Variants in KLC2 observed in about 807,000 individuals in gnomAD.
KLC2 encodes KLC 2.
A neutral mutation model predicts 75.1 loss-of-function variants in KLC2; 35 were observed. The ratio of observed to expected loss-of-function variants is 0.47; its 90% CI spans 0.36 to 0.62. The LOEUF is 0.62. Ranked by LOEUF, KLC2 falls within the 20% of genes least tolerant of loss-of-function variation. The pLI is 0.00. For synonymous variants in KLC2, 314 were observed against 336.7 expected, an observed-to-expected ratio of 0.93 and a Z score of 0.74; for missense variants, 611 against 833.2, an observed-to-expected ratio of 0.73 and a Z score of 3.28.
At chr11:66,262,514 A>C in intron 4 of KLC2, 1 of 552,524 alleles carries the variant, frequency 1.8e-6, no homozygotes, top group Non-Finnish European at 3.2e-6. Flanking sequence ...CAATGGGGCC[A>C]GTGCCTGCTT....
At chr11:66,264,899 C>T (rs1479811911) in intron 9 of KLC2, 124 bp from the exon 10 acceptor site, 1 of 831,334 alleles carries the variant, frequency 1.2e-6, no homozygotes, top group African/African-American at 1.7e-5. Context: ...TTGGGTCTTA[C>T]TCTTGTTCAT....
chr11:66,252,699 G>T (rs1019878369), upstream of KLC2, among the ~76,000 whole-genome samples: 5 of 152,202 alleles, frequency 3.3e-5, no homozygotes, highest in African/African-American at 1.2e-4. Context: ...GAGAAACGCG[G>T]CTTTGAACTT....
In KLC2 at chr11:66,267,788, C is replaced by T. The variant is rs983992345; in HGVS notation, c.*832C>T. On this transcript the variant is annotated 3_prime_UTR_variant, in exon 16 of 16. Transcript: ENST00000394067. ...GTCCCCTGGTGGCAGGAGGGGCTCC[C>T]CCTGTTGCGGGTGAGGCGGCTGCTC... The T allele has an allele frequency of 6.7e-6, 3 of 444,904 alleles. No individual in the cohort carries two copies. Among genetic ancestry groups the T allele is most frequent in the Non-Finnish European group, 1.2e-5 (3 of 256,308 alleles). 27.6% of individuals were successfully genotyped at this position (444,904 alleles called of 1,614,324 possible).
chr11:66,244,437 A>T, the KLC2 span: 1 of 152,300 alleles, frequency 6.6e-6, no homozygotes, highest in African/African-American at 2.4e-5. Flanking sequence ...CCGTGTTCTC[A>T]GGAGTGGTTG....
At chr11:66,264,852 T>C in intron 9 of KLC2, 171 bp from the exon 10 acceptor site, 1 of 627,336 alleles carries the variant, frequency 1.6e-6, no homozygotes, top group Non-Finnish European at 2.9e-6. Context: ...AAGGGTCTGT[T>C]CTGCTCATCT....
chr11:66,266,259 A>G (rs1318417861), intron 14 of KLC2, 42 bp downstream of exon 14: 1 of 1,565,982 alleles, frequency 6.4e-7, no homozygotes. Flanking sequence ...CCACCCAGCA[A>G]CCCCGGATGA....
Position 66,265,241 on chromosome 11 carries a change from T to TGGGGC in KLC2, c.1334+12_1334+16dup, listed in dbSNP as rs576416391. On this transcript the variant is annotated splice_region_variant and intron_variant, in intron 11 of 15. Coordinates refer to ENST00000394067, the MANE Select transcript of KLC2 (RefSeq NM_001318734.2). ...AAGGCCTGTAAAGTAGACAGGTGAG[T>TGGGGC]GGGGCGGGGCTGGGCTGGGGAGCAG... 34,750 of 1,011,708 alleles carry TGGGGC rather than the reference T, an allele frequency of 0.034. 789 individuals are homozygous for TGGGGC. Among genetic ancestry groups the TGGGGC allele is most frequent in the Middle Eastern group, 0.061 (277 of 4,572 alleles). 62.7% of individuals were successfully genotyped at this position (1,011,708 alleles called of 1,614,324 possible).
chr11:66,265,618 T>C, intron 11 of KLC2, 37 bp from the exon 12 acceptor site: 1 of 1,551,528 alleles, frequency 6.4e-7, no homozygotes, highest in Non-Finnish European at 8.8e-7. Flanking sequence ...GCCCTGGGTC[T>C]GGGGGAACAT....
intron 11 of KLC2, 141 bp from the exon 12 acceptor site, chr11:66,265,514 C>T (rs1338935928): frequency 2.6e-6 from 2 of 766,480 alleles, no homozygotes; most frequent in East Asian, 2.7e-5. Flanking sequence ...CTGGGTGGGC[C>T]CAGCACAGGG....
At chr11:66,260,744 G>C (rs1251455948) in intron 2 of KLC2, among the ~76,000 whole-genome samples, 1 of 152,082 alleles carries the variant, frequency 6.6e-6, no homozygotes, top group African/African-American at 2.4e-5. Context: ...CTACAGGCAC[G>C]CGCCACCACA....
chr11:66,263,201 G>A (rs1352703373), intron 5 of KLC2, 165 bp downstream of exon 5: 5 of 608,620 alleles, frequency 8.2e-6, no homozygotes, highest in South Asian at 2.0e-5. Context: ...GGCCAGAACT[G>A]GGGAGGGACT....
chr11:66,264,874 A>G, intron 9 of KLC2, 149 bp from the exon 10 acceptor site: 1 of 675,800 alleles, frequency 1.5e-6, no homozygotes, highest in Non-Finnish European at 2.6e-6. Context: ...TGTCCAGAAG[A>G]GGGTCAGCAG....
chr11:66,262,887 G>T lies in KLC2; in HGVS notation c.603G>T (p.Leu201=), dbSNP rs1160014042. Residue 201 remains leucine, a synonymous_variant, in exon 5 of 16, where the codon CTG becomes CTT. Coordinates refer to ENST00000394067, the MANE Select transcript of KLC2 (RefSeq NM_001318734.2). ...AGATCCCGGCCCGGCTCCGCACCCT[G>T]CACAACCTGGTGATCCAATACGCCT... is the stretch of plus-strand genomic sequence containing the variant. ...GYEIPARLRT[L]HNLVIQYASQ... The T allele has an allele frequency of 1.9e-6, 3 of 1,613,704 alleles. No homozygotes were observed. The highest frequency in any genetic ancestry group is 2.5e-6 in the Non-Finnish European group (3 of 1,179,914).
intron 9 of KLC2, 49 bp from the exon 10 acceptor site, chr11:66,264,973 CA>C: frequency 2.5e-6 from 4 of 1,587,100 alleles, no homozygotes; most frequent in Non-Finnish European, 3.4e-6. Flanking sequence ...CCAGCCCAAC[CA>C]GGTGAGACCT....
chr11:66,256,409 G>C (rs958140066), upstream of KLC2, among the ~76,000 whole-genome samples: 2 of 152,106 alleles, frequency 1.3e-5, no homozygotes, highest in Admixed American at 6.5e-5. Context: ...GGCCAACATG[G>C]TGAAACCCGT....
chr11:66,266,282 G>C, intron 14 of KLC2, 65 bp downstream of exon 14: 2 of 1,548,616 alleles, frequency 1.3e-6, no homozygotes, highest in Non-Finnish European at 1.7e-6. Context: ...TCCTGACCCA[G>C]AGTGTGCCCC....
chr11:66,265,230 A>G lies in KLC2; in HGVS notation c.1329A>G (p.Val443=), dbSNP rs1179743599. The G allele has an allele frequency of 1.4e-6, 2 of 1,404,376 alleles. No homozygotes were observed. Among genetic ancestry groups the G allele is most frequent in the South Asian group, 2.3e-5 (2 of 87,600 alleles). 87.0% of individuals were successfully genotyped at this position (1,404,376 alleles called of 1,614,324 possible). ...GCAGCTGGTACAAGGCCTGTAAAGT[A>G]GACAGGTGAGTGGGGCGGGGCTGGG... is the stretch of plus-strand genomic sequence containing the variant. ...EYGSWYKACK[V]DSPTVNTTLR... The change falls in exon 11 of 16, where the codon GTA becomes GTG. Residue 443 remains valine (V), a synonymous_variant. Coordinates refer to ENST00000394067, the MANE Select transcript of KLC2 (RefSeq NM_001318734.2).
chr11:66,251,213 C>T, the KLC2 span, among the ~76,000 whole-genome samples: 6 of 152,078 alleles, frequency 3.9e-5, no homozygotes, highest in African/African-American at 1.2e-4. Context: ...GAGTTGAGGC[C>T]GGGCATGGCG....
chr11:66,256,865 G>T (rs1856058075), upstream of KLC2, among the ~76,000 whole-genome samples: 1 of 152,114 alleles, frequency 6.6e-6, no homozygotes, highest in Non-Finnish European at 1.5e-5. Context: ...CTGGTCACTG[G>T]GCCCTGGGCT....
Sources: allele counts gnomAD v4.1 joint callset (sites outside exome capture counted in the v4.1 genomes callset), GRCh38; gene constraint gnomAD v4.1.1; transcripts MANE v1.5; gene names NCBI Gene and HGNC (gene_info 2026-07-23, HGNC 2026-07-21).